Variants in SSBP2 observed in about 807,000 individuals in gnomAD.
The protein encoded by SSBP2 is single-stranded DNA-binding protein 2.
SSBP2 carries 17 observed loss-of-function variants against 61.8 expected under a neutral mutation model. The ratio of observed to expected loss-of-function variants is 0.28; its 90% CI spans 0.19 to 0.41. The LOEUF (loss-of-function observed/expected upper bound fraction) is 0.41, where lower values mean the gene tolerates loss of function less well. Ranked by LOEUF, SSBP2 falls within the 10% of genes least tolerant of loss-of-function variation. The probability of loss-of-function intolerance (pLI) is 1.00; values close to 1 mark genes in which losing one functional copy is unlikely to be tolerated. For missense variants in SSBP2, 310 were observed against 458.7 expected (o/e 0.68, Z 2.96); for synonymous variants, 139 against 141.3 (o/e 0.98, Z 0.12).
chr5:81,440,639 A>G lies in SSBP2; in HGVS notation c.850-3T>C, dbSNP rs750706376. 4.4e-6 allele frequency: 7 copies of G among 1,589,782 alleles called. No homozygotes were observed. Among genetic ancestry groups the G allele is most frequent in the East Asian group, 2.2e-5 (1 of 44,704 alleles). On this transcript the variant is annotated splice_region_variant and splice_polypyrimidine_tract_variant and intron_variant, in intron 13 of 16. Coordinates refer to ENST00000320672, the MANE Select transcript of SSBP2 (RefSeq NM_012446.5). ...TCTGACCCAGGACCCATTGGAAACTATTTTAAAAATGAAGAAAATCACTGT... is the reference window on the plus strand; with the variant it reads ...TCTGACCCAGGACCCATTGGAAACTGTTTTAAAAATGAAGAAAATCACTGT...
intron 8 of SSBP2, among the ~76,000 whole-genome samples, chr5:81,471,898 T>A (rs887340226): frequency 6.6e-6 from 1 of 152,008 alleles, no homozygotes; most frequent in Non-Finnish European, 1.5e-5. Flanking sequence ...ATATAGTCAA[T>A]ATACATAGTT....
chr5:81,675,428 T>G (rs1485332549), intron 1 of SSBP2, among the ~76,000 whole-genome samples: 1 of 152,126 alleles, frequency 6.6e-6, no homozygotes, highest in Admixed American at 6.6e-5. Context: ...AGGTGTGATG[T>G]CTAGAGTTTC....
At chr5:81,593,812 G>A (rs890005237) in intron 4 of SSBP2, among the ~76,000 whole-genome samples, 1 of 152,242 alleles carries the variant, frequency 6.6e-6, no homozygotes, top group South Asian at 2.1e-4. Flanking sequence ...GTCACCACCA[G>A]GCCTGCCCTA....
intron 10 of SSBP2, among the ~76,000 whole-genome samples, chr5:81,450,576 TATCCTA>T (rs1763704637): frequency 6.6e-6 from 1 of 152,234 alleles, no homozygotes; most frequent in Admixed American, 6.5e-5. Context: ...AGTATGGTCA[TATCCTA>T]GAACTCTTTA....
intron 1 of SSBP2, among the ~76,000 whole-genome samples, chr5:81,716,722 T>C (rs1755193811): frequency 1.3e-5 from 2 of 152,236 alleles, no homozygotes; most frequent in African/African-American, 2.4e-5. Context: ...GTCTATGAAA[T>C]ACTAAGCATC....
At chr5:81,694,172 A>G (rs1399648219) in intron 1 of SSBP2, among the ~76,000 whole-genome samples, 2 of 152,182 alleles carry the variant, frequency 1.3e-5, no homozygotes, top group African/African-American at 4.8e-5. Context: ...CAGTTATTAG[A>G]GTCTAAAGGG....
intron 6 of SSBP2, among the ~76,000 whole-genome samples, chr5:81,479,521 A>T (rs1765826209): frequency 6.6e-6 from 1 of 151,942 alleles, no homozygotes; most frequent in African/African-American, 2.4e-5. Flanking sequence ...TGAACTCCTG[A>T]CCTCAAGTGA....
intron 3 of SSBP2, among the ~76,000 whole-genome samples, chr5:81,618,424 C>T (rs1437042717): frequency 8.0e-5 from 5 of 62,402 alleles, no homozygotes; most frequent in Middle Eastern, 0.012. Flanking sequence ...ATTTATGCAC[C>T]CAATACAGGA....
intron 4 of SSBP2, among the ~76,000 whole-genome samples, chr5:81,559,941 CTTA>C (rs894337905): frequency 2.0e-5 from 3 of 152,094 alleles, no homozygotes; most frequent in Non-Finnish European, 4.4e-5. Context: ...TTTTAATTTA[CTTA>C]TTAAGCAAAA....
chr5:81,453,937 TAG>T (rs1763955450), intron 10 of SSBP2, among the ~76,000 whole-genome samples: 1 of 152,172 alleles, frequency 6.6e-6, no homozygotes, highest in Admixed American at 6.5e-5. Context: ...ATGATGAGGA[TAG>T]AAAGTAAGTC....
intron 1 of SSBP2, among the ~76,000 whole-genome samples, chr5:81,742,309 T>C (rs1757078348): frequency 6.6e-6 from 1 of 152,178 alleles, no homozygotes; most frequent in African/African-American, 2.4e-5. Context: ...GAAAGAATAC[T>C]AAATGCCCAT....
intron 6 of SSBP2, 114 bp downstream of exon 6, chr5:81,489,136 C>A (rs1766660516): frequency 1.1e-6 from 1 of 932,150 alleles, no homozygotes; most frequent in East Asian, 2.7e-5. Flanking sequence ...CTAGAAATAG[C>A]ATTAAATGGG....
At chr5:81,682,484 G>A (rs1392852850) in intron 1 of SSBP2, among the ~76,000 whole-genome samples, 6 of 152,106 alleles carry the variant, frequency 3.9e-5, no homozygotes, top group Non-Finnish European at 8.8e-5. Flanking sequence ...ACCCATTCAT[G>A]ATAAAAAACT....
chr5:81,580,657 G>C (rs1774569293), intron 4 of SSBP2, among the ~76,000 whole-genome samples: 1 of 151,000 alleles, frequency 6.6e-6, no homozygotes, highest in Non-Finnish European at 1.5e-5. Context: ...GTCAGGCCTA[G>C]TACATTACAT....
Position 81,500,518 on chromosome 5 carries a change from T to G in SSBP2, c.373-11209A>C, listed in dbSNP as rs560491978. Among the ~76,000 whole-genome samples the G allele has an allele frequency of 9.2e-5, 14 of 152,254 alleles. No homozygotes were observed. The South Asian group carries it at 2.9e-3, about 32-fold the overall frequency. Reference sequence around the variant, plus strand: ...ACTCTGTCGCCAGGCTGGAGTACAGTGACACAATCTCGGCTCACTGCAACC... The same window carrying G: ...ACTCTGTCGCCAGGCTGGAGTACAGGGACACAATCTCGGCTCACTGCAACC... On this transcript the variant is annotated intron_variant, in intron 5 of 16. Transcript: ENST00000320672.
intron 1 of SSBP2, among the ~76,000 whole-genome samples, chr5:81,665,497 CT>C (rs112482092): frequency 0.093 from 14,142 of 151,998 alleles, 1,621 homozygotes; most frequent in African/African-American, 0.27. Context: ...CTTCCAGAGT[CT>C]TTTCTTTTTA....
At chr5:81,690,398 G>C (rs1235103532) in intron 1 of SSBP2, among the ~76,000 whole-genome samples, 1 of 151,962 alleles carries the variant, frequency 6.6e-6, no homozygotes, top group Non-Finnish European at 1.5e-5. Flanking sequence ...AAAATAAAGG[G>C]ATTAAGAAAG....
At chr5:81,451,863 C>A (rs577853213) in intron 10 of SSBP2, among the ~76,000 whole-genome samples, 2 of 152,282 alleles carry the variant, frequency 1.3e-5, no homozygotes, top group East Asian at 3.9e-4. Flanking sequence ...CCGTCAAGCT[C>A]TTTATTTTTG....
chr5:81,657,143 A>G lies in SSBP2; in HGVS notation c.63-6804T>C, dbSNP rs959704294. The stretch of plus-strand genomic sequence containing the variant: ...TTGTTTGATTACTTCCCCTGAGCTT[A>G]TATTTCCTATTTAGAAAGAAATAAA... On this transcript the variant is annotated intron_variant, in intron 1 of 16. Transcript: ENST00000320672. Among the ~76,000 whole-genome samples, 27 of 152,194 alleles carry G rather than the reference A, an allele frequency of 1.8e-4. 1 individual carries two copies. Among genetic ancestry groups the G allele is most frequent in the Non-Finnish European group, 3.2e-4 (22 of 68,046 alleles).
Sources: gnomAD v4.1 joint callset for allele counts (sites outside exome capture counted in the v4.1 genomes callset) on GRCh38, gnomAD v4.1.1 for gene constraint, MANE v1.5 for transcripts, NCBI Gene and HGNC (gene_info 2026-07-23, HGNC 2026-07-21) for gene names.